NPHP3: variants seen among roughly 807,000 people sequenced by gnomAD.
The protein encoded by NPHP3 is nephrocystin 3, also known as nephrocystin-3.
Under a neutral mutation model 171.9 loss-of-function variants are expected in NPHP3, and 123 were observed. The observed-to-expected ratio is 0.72, with a 90% CI of 0.62 to 0.83. NPHP3 has a LOEUF of 0.83. Among genes scored for constraint, NPHP3 ranks in the 40% least tolerant of loss-of-function variants. The pLI, the probability that NPHP3 is intolerant of heterozygous loss-of-function variation, is 0.00. For synonymous variants in NPHP3, 558 were observed against 579.2 expected (o/e 0.96, Z 0.52); for missense variants, 1,506 against 1,591.9 (o/e 0.95, Z 0.92).
At position 132,689,056 on chromosome 3, in the gene NPHP3, T is replaced by C. The variant is rs760445378; in HGVS notation, c.2883+18A>G. The C allele has an allele frequency of 6.2e-7, 1 of 1,614,072 alleles. No homozygotes were observed. Among genetic ancestry groups the C allele is most frequent in the South Asian group, 1.1e-5 (1 of 91,084 alleles). ...AATCCCACCTGTCTCTGGCTTGCCA[T>C]TGATCTGCTGAGCTTACCTGACTGA... On this transcript the variant is annotated intron_variant, in intron 20 of 26. Coordinates refer to ENST00000337331, the MANE Select transcript of NPHP3 (RefSeq NM_153240.5).
intron 6 of NPHP3, among the ~76,000 whole-genome samples, chr3:132,712,003 T>G (rs1398539617): frequency 6.6e-6 from 1 of 152,188 alleles, no homozygotes; most frequent in African/African-American, 2.4e-5. Flanking sequence ...TGGTCCACAA[T>G]TAAAAAAGCA....
chr3:132,716,249 A>G (rs1051309886), intron 4 of NPHP3, among the ~76,000 whole-genome samples: 1 of 152,016 alleles, frequency 6.6e-6, no homozygotes, highest in Non-Finnish European at 1.5e-5. Context: ...GTTATACTGT[A>G]TTGTTTCTTA....
In NPHP3 at chr3:132,686,283, G is replaced by C. The variant is rs757542289; in HGVS notation, c.3306C>G (p.Leu1102=). 22 of 1,613,622 alleles carry C rather than the reference G, an allele frequency of 1.4e-5. No homozygotes were observed. Among genetic ancestry groups the C allele is most frequent in the Non-Finnish European group, 1.8e-5 (21 of 1,179,770 alleles). Residue 1102 remains leucine, a synonymous_variant, in exon 23 of 27, where the codon CTC becomes CTG. Coordinates refer to ENST00000337331, the MANE Select transcript of NPHP3 (RefSeq NM_153240.5). ...NARTLNELGV[L]YYLQNNLETA... is the part of the protein sequence containing the mutation. Reference sequence around the variant, plus strand: ...ACTCCAGGTTATTTTGAAGATAGTAGAGAACACCCAGTTCATTGAGGGTCC... The same window carrying C: ...ACTCCAGGTTATTTTGAAGATAGTACAGAACACCCAGTTCATTGAGGGTCC...
At position 132,699,971 on chromosome 3, in the gene NPHP3, C is replaced by G; in HGVS notation, c.1834G>C (p.Ala612Pro). The G allele has an allele frequency of 2.5e-6, 4 of 1,614,078 alleles. No individual in the cohort carries two copies. Among genetic ancestry groups the G allele is most frequent in the Non-Finnish European group, 3.4e-6 (4 of 1,180,010 alleles). Reference sequence around the variant, plus strand: ...ATGATGATGCTGCCTTGATGACGAGCAGAGAGTTTTTCCAGCCAACGTGGA... The same window carrying G: ...ATGATGATGCTGCCTTGATGACGAGGAGAGAGTTTTTCCAGCCAACGTGGA... ...EFPRWLEKLS[A>P]RHQGSIIIVI... The change falls in exon 12 of 27, where the codon GCT becomes CCT. Residue 612 changes from alanine (A) to proline (P), a missense_variant. By Grantham distance (27) the Ala-to-Pro change is conservative. Coordinates refer to ENST00000337331, the MANE Select transcript of NPHP3 (RefSeq NM_153240.5).
At position 132,688,994 on chromosome 3, in the gene NPHP3, C is replaced by T; in HGVS notation, c.2883+80G>A. ...ATTATAGCACAACAAATGAAAACCA[C>T]ATTAACATCTTGGAAAAAGAGAAGA... On this transcript the variant is annotated intron_variant, in intron 20 of 26. Transcript: ENST00000337331. 3 of 1,611,220 alleles carry T rather than the reference C, an allele frequency of 1.9e-6. No homozygotes were observed. The South Asian group carries it at 3.3e-5, about 18-fold the overall frequency.
intron 1 of NPHP3, among the ~76,000 whole-genome samples, chr3:132,720,636 CTAA>C (rs772439332): frequency 6.6e-6 from 1 of 152,116 alleles, no homozygotes; most frequent in Non-Finnish European, 1.5e-5. Context: ...TACACAACAG[CTAA>C]TGAGGGAGTT....
In NPHP3 at chr3:132,683,486, A is replaced by G. The variant is rs747847543; in HGVS notation, c.3609T>C (p.Ala1203=). Residue 1203 remains alanine, a synonymous_variant, in exon 25 of 27, where the codon GCT becomes GCC. Coordinates refer to ENST00000337331, the MANE Select transcript of NPHP3 (RefSeq NM_153240.5). ...CAAAAGATTTCTGTCGAATTTCAAC[A>G]GCCAATTCATACAAAGGTACAGCTT... The part of the protein sequence containing the change: ...LDKAVPLYEL[A]VEIRQKSFGP... The G allele has an allele frequency of 3.7e-5, 59 of 1,613,076 alleles. No homozygotes were observed. The highest frequency in any genetic ancestry group is 5.0e-5 in the Non-Finnish European group (59 of 1,179,316).
intron 13 of NPHP3, 94 bp from the exon 14 acceptor site, chr3:132,697,456 C>T: frequency 1.3e-6 from 1 of 789,612 alleles, no homozygotes; most frequent in Non-Finnish European, 2.2e-6. Flanking sequence ...CAGGAATTAA[C>T]ACTTTATACT....
chr3:132,722,058 T>A lies in NPHP3; in HGVS notation c.298A>T (p.Ile100Phe). The A allele has an allele frequency of 6.2e-7, 1 of 1,612,880 alleles. No individual in the cohort carries two copies. The highest frequency in any genetic ancestry group is 8.5e-7 in the Non-Finnish European group (1 of 1,179,866). Reference sequence around the variant, plus strand: ...TCCTGGTTCTTGCTGACGCGAAAGATCTCGTACTCCTTCCTGAGCCGCTCG... The same window carrying A: ...TCCTGGTTCTTGCTGACGCGAAAGAACTCGTACTCCTTCCTGAGCCGCTCG... ...EYERLRKEYE[I>F]FRVSKNQELL... The change falls in exon 1 of 27, where the codon ATC (isoleucine) becomes TTC (phenylalanine). Residue 100 changes from isoleucine to phenylalanine, a missense_variant. This residue lies in a region of NPHP3 where 930 missense variants were observed against 924.9 expected (regional missense o/e 1.01). Coordinates refer to ENST00000337331, the MANE Select transcript of NPHP3 (RefSeq NM_153240.5).
intron 23 of NPHP3, 61 bp downstream of exon 23, chr3:132,686,199 A>G (rs1939158078): frequency 6.4e-7 from 1 of 1,553,606 alleles, no homozygotes; most frequent in African/African-American, 1.4e-5. Context: ...AAAATGTAAA[A>G]CAGCATTGCA....
intron 16 of NPHP3, 21 bp downstream of exon 16, chr3:132,694,806 T>C (rs1939403350): frequency 1.2e-6 from 2 of 1,611,180 alleles, no homozygotes; most frequent in Non-Finnish European, 1.7e-6. Flanking sequence ...CATTCCTTTT[T>C]ATAAGTTTAT....
At chr3:132,683,027 T>C (rs1576659352) in intron 25 of NPHP3, among the ~76,000 whole-genome samples, 1 of 152,290 alleles carries the variant, frequency 6.6e-6, no homozygotes, top group South Asian at 2.1e-4. Context: ...TGGTAACCAT[T>C]TGACCATAAT....
At chr3:132,686,470 A>T in intron 22 of NPHP3, 83 bp from the exon 23 acceptor site, 1 of 1,553,920 alleles carries the variant, frequency 6.4e-7, no homozygotes. Context: ...GGTCCTAAAA[A>T]ATCTTCCTTT....
chr3:132,690,373 T>G (rs985398553), intron 19 of NPHP3, among the ~76,000 whole-genome samples, 155 bp downstream of exon 19: 1 of 152,340 alleles, frequency 6.6e-6, no homozygotes, highest in South Asian at 2.1e-4. Flanking sequence ...GCAGATCTAA[T>G]AGAGATTTGT....
chr3:132,685,158 CT>C, intron 23 of NPHP3: 1 of 245,006 alleles, frequency 4.1e-6, no homozygotes, highest in South Asian at 5.1e-5. Context: ...ATTTTTATTT[CT>C]TTATTTTGTT....
chr3:132,682,582 CA>C, intron 26 of NPHP3, 120 bp downstream of exon 26: 1 of 690,298 alleles, frequency 1.4e-6, no homozygotes, highest in Non-Finnish European at 2.6e-6. Context: ...AGTCAGTCAG[CA>C]AAAAACAACC....
intron 3 of NPHP3, among the ~76,000 whole-genome samples, chr3:132,717,662 C>T (rs1940089674): frequency 6.6e-6 from 1 of 150,584 alleles, no homozygotes; most frequent in South Asian, 2.1e-4. Flanking sequence ...AAACACTGTA[C>T]ATTTGAGTAT....
In NPHP3 at chr3:132,682,832, AT is replaced by A. The variant is rs1389022383; in HGVS notation, c.3697-15del. 1 of 1,487,428 alleles carries A rather than the reference AT, an allele frequency of 6.7e-7. No individual in the cohort carries two copies. Among genetic ancestry groups the A allele is most frequent in the Admixed American group, 1.7e-5 (1 of 59,860 alleles). 92.1% of individuals were successfully genotyped at this position (1,487,428 alleles called of 1,614,324 possible). On this transcript the variant is annotated splice_polypyrimidine_tract_variant and intron_variant, in intron 25 of 26. Coordinates refer to ENST00000337331, the MANE Select transcript of NPHP3 (RefSeq NM_153240.5). ...AACGTGTTTTTTCTTATTAAAAAAAATGATAATGCTCATGCACACTGGGTTT... is the reference window on the plus strand; with the variant it reads ...AACGTGTTTTTTCTTATTAAAAAAAAGATAATGCTCATGCACACTGGGTTT...
chr3:132,704,911 G>A (rs1444166649), intron 8 of NPHP3, among the ~76,000 whole-genome samples: 1 of 152,162 alleles, frequency 6.6e-6, no homozygotes, highest in African/African-American at 2.4e-5. Context: ...GCAAGATTGT[G>A]AAGCTCAAAT....
Sources: allele counts gnomAD v4.1 joint callset (sites outside exome capture counted in the v4.1 genomes callset), GRCh38; gene constraint gnomAD v4.1.1; regional missense constraint gnomAD v4.1.1; transcripts MANE v1.5; gene names NCBI Gene and HGNC (gene_info 2026-07-23, HGNC 2026-07-21).